Variants in C1orf167 observed in about 807,000 individuals in gnomAD.
C1orf167 encodes the protein uncharacterized protein C1orf167.
Under a neutral mutation model 176.5 loss-of-function variants are expected in C1orf167, and 153 were observed. The observed-to-expected ratio is 0.87, with a 90% confidence interval of 0.76 to 0.99. The LOEUF is 0.99. Ranked by LOEUF, C1orf167 falls within the 50% of genes least tolerant of loss-of-function variation. The probability of loss-of-function intolerance (pLI) is 0.00; values close to 1 mark genes in which losing one functional copy is unlikely to be tolerated. For synonymous variants in C1orf167, 594 were observed against 752.7 expected, an observed-to-expected ratio of 0.79 and a Z score of 3.45; for missense variants, 1,490 against 1,817.7, an observed-to-expected ratio of 0.82 and a Z score of 3.28.
chr1:11,784,703 C>T, intron 15 of C1orf167, 110 bp downstream of exon 15: 1 of 1,135,674 alleles, frequency 8.8e-7, no homozygotes, highest in Non-Finnish European at 1.1e-6. Context: ...AGGGCAAAGG[C>T]TCAAGAGGGT....
At chr1:11,770,790 A>G (rs1206732247) in intron 6 of C1orf167, among the ~76,000 whole-genome samples, 6 of 137,914 alleles carry the variant, frequency 4.4e-5, no homozygotes, top group Non-Finnish European at 9.3e-5. Context: ...TATTTCCCCA[A>G]TTTTCTACTA....
chr1:11,785,499 A>C (rs1447208248), intron 16 of C1orf167, among the ~76,000 whole-genome samples: 1 of 152,208 alleles, frequency 6.6e-6, no homozygotes. Flanking sequence ...CCAGGGGCCC[A>C]GCAACCTCGT....
rs1264055352 is a variant in C1orf167, at chr1:11,766,955, C to T, written c.1169C>T (p.Ser390Phe). 8.3e-7 allele frequency: 1 copy of T among 1,208,044 alleles called. No individual in the cohort carries two copies. Among genetic ancestry groups the T allele is most frequent in the South Asian group, 1.5e-5 (1 of 67,140 alleles). 74.8% of individuals were successfully genotyped at this position (1,208,044 alleles called of 1,614,324 possible). A position where few individuals can be genotyped will look rare whatever the true frequency, so the allele number is the denominator to read the frequency against. The change falls in exon 3 of 21, where the codon TCC (serine) becomes TTC (phenylalanine). Residue 390 changes from serine (S) to phenylalanine (F), a missense_variant. By Grantham distance (155) the Ser-to-Phe change is radical (BLOSUM62 -2). Transcript: ENST00000688073. The surrounding 1 kb of genome is among the most constrained non-coding windows in gnomAD (Gnocchi z 4.5). ...RGTDPCSSAF[S>F]NTAWGVSPKQ... ...ACCGACCCCTGTTCCTCAGCCTTCT[C>T]CAACACAGCCTGGGGAGTCTCACCC...
At chr1:11,773,474 G>A (rs1003079739) in intron 8 of C1orf167, among the ~76,000 whole-genome samples, 29 of 151,914 alleles carry the variant, frequency 1.9e-4, no homozygotes, top group Non-Finnish European at 3.5e-4. Context: ...TTGGGAGGCC[G>A]AGGCAGGTGG....
Position 11,782,169 on chromosome 1 carries a change from C to G in C1orf167, c.2861-20C>G. On this transcript the variant is annotated intron_variant, in intron 13 of 20. Coordinates refer to ENST00000688073, the MANE Select transcript of C1orf167 (RefSeq NM_001010881.2). ...CTGGGGTGAGCACCCAGTGGCTCTT[C>G]AGCATCTCTCTGGCCCCAGGGCAGC... 1 of 1,254,682 alleles carries G rather than the reference C, an allele frequency of 8.0e-7. No homozygotes were observed. Among genetic ancestry groups the G allele is most frequent in the African/African-American group, 1.5e-5 (1 of 64,720 alleles). 77.7% of individuals were successfully genotyped at this position (1,254,682 alleles called of 1,614,324 possible). A position where few individuals can be genotyped will look rare whatever the true frequency, so the allele number is the denominator to read the frequency against.
chr1:11,782,427 C>T, intron 14 of C1orf167, 94 bp downstream of exon 14: 5 of 1,109,370 alleles, frequency 4.5e-6, no homozygotes, highest in Non-Finnish European at 5.7e-6. Flanking sequence ...GACGGTGGCC[C>T]AGATAGGAGG....
In C1orf167 at chr1:11,762,247, G is replaced by GC. The variant is rs1557714519; in HGVS notation, c.-124dup. 8 of 436,802 alleles carry GC rather than the reference G, an allele frequency of 1.8e-5. No homozygotes were observed. The highest frequency in any genetic ancestry group is 3.3e-5 in the Non-Finnish European group (7 of 215,100). 27.1% of individuals were successfully genotyped at this position (436,802 alleles called of 1,614,324 possible). Reference sequence around the variant, plus strand: ...CCTGCGGGGATCGTTAGCGGTCCCAGCCCCCGTCTAGATTCAAATCCGACT... The same window carrying GC: ...CCTGCGGGGATCGTTAGCGGTCCCAGCCCCCCGTCTAGATTCAAATCCGACT... On this transcript the variant is annotated 5_prime_UTR_variant, in exon 1 of 21. Coordinates refer to ENST00000688073, the MANE Select transcript of C1orf167 (RefSeq NM_001010881.2).
intron 13 of C1orf167, among the ~76,000 whole-genome samples, chr1:11,781,658 C>G (rs1643609782): frequency 1.3e-5 from 2 of 152,172 alleles, no homozygotes; most frequent in Non-Finnish European, 2.9e-5. Flanking sequence ...CGCCTGTAAT[C>G]CCAGCAATTT....
rs544486709 is a variant in C1orf167 at position 11,767,533 on chromosome 1, C to A, written c.1343+269C>A. On this transcript the variant is annotated intron_variant, in intron 4 of 20. Transcript: ENST00000688073. ...CACCCTGGGTTTTCGGCAAACAGGG[C>A]AATCTCTGGCTGGATGCGGTGGCTC... is the stretch of plus-strand genomic sequence containing the variant. Among the ~76,000 whole-genome samples, 4 of 152,158 alleles carry A rather than the reference C, an allele frequency of 2.6e-5. 1 individual carries two copies. Among genetic ancestry groups the A allele is most frequent in the African/African-American group, 7.2e-5 (3 of 41,498 alleles).
chr1:11,783,547 G>A (rs889452092), intron 14 of C1orf167, among the ~76,000 whole-genome samples: 3 of 152,072 alleles, frequency 2.0e-5, no homozygotes, highest in Non-Finnish European at 2.9e-5. Flanking sequence ...GTGCCTGGCC[G>A]TAGATGGTTT....
At chr1:11,779,195 G>T (rs757089286) in intron 12 of C1orf167, 115 bp downstream of exon 12, 11 of 1,025,512 alleles carry the variant, frequency 1.1e-5, no homozygotes, top group Non-Finnish European at 1.3e-5. Context: ...CACCTCAGGG[G>T]GCTTCAGTTC....
chr1:11,771,497 C>T lies in C1orf167; in HGVS notation c.1698-27C>T, dbSNP rs764197486. 1.1e-5 allele frequency: 14 copies of T among 1,278,804 alleles called. No individual in the cohort carries two copies. The South Asian group carries it at 1.6e-4, about 15-fold the overall frequency. 79.2% of individuals were successfully genotyped at this position (1,278,804 alleles called of 1,614,324 possible). ...AGTGCCCTTCCTCCCGGGTCATCAG[C>T]TTCTCTCTGGGCAACTTTGCTTTTA... is the stretch of plus-strand genomic sequence containing the variant. On this transcript the variant is annotated intron_variant, in intron 6 of 20. Coordinates refer to ENST00000688073, the MANE Select transcript of C1orf167 (RefSeq NM_001010881.2).
rs754062299 is a variant in C1orf167, at chr1:11,776,516, G to A, written c.2217G>A (p.Val739=). The A allele has an allele frequency of 1.5e-6, 2 of 1,299,588 alleles. No homozygotes were observed. Among genetic ancestry groups the A allele is most frequent in the South Asian group, 2.5e-5 (2 of 80,694 alleles). The allele number at this position is 1,299,588 out of a possible 1,614,324, so 80.5% of individuals were successfully genotyped here. ...CTGGAGCCTGTGGCCTGGGTGCAGT[G>A]GGCCAGGCCCAGGGGCAGCAGGAGC... ...AGPGACGLGA[V]GQAQGQQEQG... Residue 739 remains valine, a synonymous_variant, in exon 10 of 21, where the codon GTG becomes GTA. Coordinates refer to ENST00000688073, the MANE Select transcript of C1orf167 (RefSeq NM_001010881.2).
chr1:11,776,048 G>C (rs1643297696), intron 9 of C1orf167, among the ~76,000 whole-genome samples: 1 of 152,214 alleles, frequency 6.6e-6, no homozygotes, highest in Admixed American at 6.5e-5. Context: ...CCTGAGGTCA[G>C]GAGTTCCAGA....
intron 10 of C1orf167, 32 bp from the exon 11 acceptor site, chr1:11,778,628 C>A: frequency 7.9e-7 from 1 of 1,272,388 alleles, no homozygotes; most frequent in South Asian, 1.3e-5. Context: ...GAGGGTGAGG[C>A]TGGGTGGGTC....
intron 8 of C1orf167, 106 bp from the exon 9 acceptor site, chr1:11,775,329 G>T (rs904638076): frequency 2.4e-6 from 2 of 832,512 alleles, no homozygotes; most frequent in Non-Finnish European, 3.3e-6. Context: ...GAGAGATGAA[G>T]TGGCTTGCCC....
intron 2 of C1orf167, among the ~76,000 whole-genome samples, chr1:11,765,067 A>AAG (rs1553177409): frequency 2.0e-5 from 3 of 150,964 alleles, no homozygotes; most frequent in East Asian, 1.9e-4. Flanking sequence ...AAAAAAAAAA[A>AAG]AAAAAAAAAA....
rs191365695 is a variant in C1orf167, at chr1:11,776,945, C to A, written c.2339+307C>A. ...GGCCGGAACCCTAGTGAATGCCCGT[C>A]TCCCTGCCAAGTGTAAGTCCCTGGT... On this transcript the variant is annotated intron_variant, in intron 10 of 20. Transcript: ENST00000688073. The A allele has an allele frequency of 2.8e-3, 448 of 158,258 alleles. 3 individuals are homozygous for A. The highest frequency in any genetic ancestry group is 9.2e-3 in the African/African-American group (384 of 41,586). 9.8% of individuals were successfully genotyped at this position (158,258 alleles called of 1,614,324 possible).
At chr1:11,781,303 C>A (rs1463843714) in intron 13 of C1orf167, among the ~76,000 whole-genome samples, 1 of 152,100 alleles carries the variant, frequency 6.6e-6, no homozygotes, top group African/African-American at 2.4e-5. Context: ...CGGCCCCAAC[C>A]AGTCTCTTTA....
Sources: allele counts gnomAD v4.1 joint callset (sites outside exome capture counted in the v4.1 genomes callset), GRCh38; gene constraint gnomAD v4.1.1; non-coding constraint Gnocchi (gnomAD v3.1); transcripts MANE v1.5; gene names NCBI Gene and HGNC (gene_info 2026-07-23, HGNC 2026-07-21).